The following MAPRE2 variants were observed in gnomAD, a reference collection of about 807,000 sequenced individuals.
MAPRE2 encodes the protein microtubule associated protein RP/EB family member 2.
In MAPRE2, 13 loss-of-function variants were observed where a neutral mutation model predicts 43.2. The ratio of observed to expected loss-of-function variants is 0.30; its 90% CI spans 0.20 to 0.48. MAPRE2 has a LOEUF of 0.48. Ranked by LOEUF, MAPRE2 falls within the 20% of genes least tolerant of loss-of-function variation. The pLI is 0.99. For missense variants in MAPRE2, 161 were observed against 400.2 expected (o/e 0.40, Z 5.10); for synonymous variants, 135 against 148.8 (o/e 0.91, Z 0.68).
intron 1 of MAPRE2, among the ~76,000 whole-genome samples, chr18:34,995,389 C>T (rs991281632): frequency 1.3e-5 from 2 of 152,166 alleles, no homozygotes; most frequent in African/African-American, 2.4e-5. Flanking sequence ...GATCCAATTG[C>T]CTACACAAGA....
intron 4 of MAPRE2, among the ~76,000 whole-genome samples, chr18:35,102,648 C>G (rs1908733367): frequency 6.6e-6 from 1 of 152,158 alleles, no homozygotes; most frequent in Non-Finnish European, 1.5e-5. Context: ...CAGTAACATT[C>G]AGCAATACCC....
chr18:35,129,618 G>T (rs571933491), intron 5 of MAPRE2, among the ~76,000 whole-genome samples: 2 of 152,356 alleles, frequency 1.3e-5, no homozygotes, highest in East Asian at 3.9e-4. Context: ...AAGTGGGTTG[G>T]AGTCAGTGGA....
At chr18:35,130,359 T>A (rs1414786870) in intron 5 of MAPRE2, among the ~76,000 whole-genome samples, 2 of 152,172 alleles carry the variant, frequency 1.3e-5, no homozygotes, top group Non-Finnish European at 2.9e-5. Context: ...GCTATAGTAT[T>A]AATAGAAATG....
chr18:35,045,514 G>A (rs1388361295), intron 1 of MAPRE2, among the ~76,000 whole-genome samples: 1 of 152,172 alleles, frequency 6.6e-6, no homozygotes, highest in Non-Finnish European at 1.5e-5. Context: ...TAAGCCTAAA[G>A]CATTGGCCAT....
chr18:35,064,835 G>A (rs1161068305), intron 1 of MAPRE2, among the ~76,000 whole-genome samples: 1 of 151,472 alleles, frequency 6.6e-6, no homozygotes, highest in African/African-American at 2.4e-5. Flanking sequence ...ATGAAACTGA[G>A]CAAAATCTAC....
At chr18:35,029,866 A>G (rs1375943163) in intron 2 of MAPRE2, among the ~76,000 whole-genome samples, 1 of 152,232 alleles carries the variant, frequency 6.6e-6, no homozygotes, top group Non-Finnish European at 1.5e-5. Flanking sequence ...GAGCACTCAA[A>G]TAGACATGTC....
chr18:35,052,680 C>G (rs1396433971), intron 1 of MAPRE2, among the ~76,000 whole-genome samples: 1 of 152,166 alleles, frequency 6.6e-6, no homozygotes, highest in Non-Finnish European at 1.5e-5. Context: ...TTCCTAGCAG[C>G]ACAGTATGAG....
intron 6 of MAPRE2, among the ~76,000 whole-genome samples, chr18:35,133,907 C>T (rs1018899132): frequency 6.6e-6 from 1 of 152,224 alleles, no homozygotes; most frequent in African/African-American, 2.4e-5. Context: ...CGACCCCACA[C>T]ACACATACAT....
intron 1 of MAPRE2, among the ~76,000 whole-genome samples, chr18:34,997,002 G>A (rs2097026818): frequency 1.3e-5 from 2 of 152,166 alleles, no homozygotes; most frequent in South Asian, 4.1e-4. Flanking sequence ...CACCTAAAGA[G>A]TGGAGTTAGT....
At chr18:35,054,530 G>C (rs1366390453) in intron 1 of MAPRE2, among the ~76,000 whole-genome samples, 1 of 152,156 alleles carries the variant, frequency 6.6e-6, no homozygotes, top group East Asian at 1.9e-4. Context: ...TCTCTGTTCT[G>C]GTTGGGACTG....
At chr18:35,088,162 A>G (rs1380884378) in intron 2 of MAPRE2, among the ~76,000 whole-genome samples, 1 of 152,192 alleles carries the variant, frequency 6.6e-6, no homozygotes, top group African/African-American at 2.4e-5. Flanking sequence ...AGTTAATACA[A>G]TGCCAACATA....
intron 1 of MAPRE2, among the ~76,000 whole-genome samples, chr18:35,067,904 G>A (rs1313066365): frequency 6.6e-6 from 1 of 152,084 alleles, no homozygotes; most frequent in Non-Finnish European, 1.5e-5. Flanking sequence ...AGAAAACAGT[G>A]GAAGTTATTA....
At chr18:35,052,803 A>G (rs932626695) in intron 1 of MAPRE2, among the ~76,000 whole-genome samples, 7 of 152,150 alleles carry the variant, frequency 4.6e-5, no homozygotes, top group Non-Finnish European at 7.4e-5. Flanking sequence ...TATTTTCATG[A>G]TGACTAATGA....
intron 2 of MAPRE2, among the ~76,000 whole-genome samples, chr18:35,017,748 G>A (rs1054598434): frequency 2.0e-5 from 3 of 151,496 alleles, no homozygotes; most frequent in African/African-American, 7.3e-5. Flanking sequence ...GGTTTTCTAG[G>A]TGTAGAATTT....
rs1271378619 is a variant in MAPRE2, at chr18:35,141,408, T to C, written c.*1039T>C. 1.3e-5 allele frequency: 2 copies of C among 152,200 alleles called. No homozygotes were observed. Among genetic ancestry groups the C allele is most frequent in the East Asian group, 3.9e-4 (2 of 5,192 alleles). 9.4% of individuals were successfully genotyped at this position (152,200 alleles called of 1,614,324 possible). ...GAAGACCTTATTAATAGGAGCATAA[T>C]TGCGAGGGAGAATCATGGTTCTGCA... On this transcript the variant is annotated 3_prime_UTR_variant, in exon 7 of 7. Coordinates refer to ENST00000300249, the MANE Select transcript of MAPRE2 (RefSeq NM_014268.4).
At chr18:35,105,383 G>A (rs547233761) in intron 4 of MAPRE2, among the ~76,000 whole-genome samples, 1 of 152,108 alleles carries the variant, frequency 6.6e-6, no homozygotes, top group African/African-American at 2.4e-5. Context: ...AATAAAATAT[G>A]CTCTGATTTT....
chr18:35,080,086 G>A (rs1356120255), intron 2 of MAPRE2, among the ~76,000 whole-genome samples: 5 of 152,170 alleles, frequency 3.3e-5, no homozygotes, highest in African/African-American at 1.2e-4. Context: ...TTCAAATTTA[G>A]TGGATGGTCA....
At chr18:35,091,650 A>G (rs551193338) in intron 2 of MAPRE2, among the ~76,000 whole-genome samples, 1 of 152,282 alleles carries the variant, frequency 6.6e-6, no homozygotes, top group Non-Finnish European at 1.5e-5. Flanking sequence ...GGACTGCAGC[A>G]GATGGGTGGG....
At position 35,068,840 on chromosome 18, in the gene MAPRE2, C is replaced by T. The variant is rs570493524; in HGVS notation, c.123-1355C>T. Among the ~76,000 whole-genome samples the T allele has an allele frequency of 4.9e-4, 74 of 152,286 alleles. No individual in the cohort carries two copies. The South Asian group carries it at 0.014, about 29-fold the overall frequency. On this transcript the variant is annotated intron_variant, in intron 1 of 6. Coordinates refer to ENST00000300249, the MANE Select transcript of MAPRE2 (RefSeq NM_014268.4). ...CTGCCTTCTGATGGAAGTTCAAACACGGCGTGAAATAGTCTGTTTGATGCA... is the reference window on the plus strand; with the variant it reads ...CTGCCTTCTGATGGAAGTTCAAACATGGCGTGAAATAGTCTGTTTGATGCA...
Sources: allele counts gnomAD v4.1 joint callset (sites outside exome capture counted in the v4.1 genomes callset), GRCh38; gene constraint gnomAD v4.1.1; transcripts MANE v1.5; gene names NCBI Gene and HGNC (gene_info 2026-07-23, HGNC 2026-07-21).